The following OVCH1 variants were observed in gnomAD, a reference collection of about 807,000 sequenced individuals.
The protein encoded by OVCH1 is ovochymase-1.
A neutral mutation model predicts 138.4 loss-of-function variants in OVCH1; 139 were observed. That is an observed-to-expected ratio of 1.00 (90% CI 0.87 to 1.16). The LOEUF (loss-of-function observed/expected upper bound fraction) is 1.16. Among genes scored for constraint, OVCH1 ranks in the 50% most tolerant of loss-of-function variants. The pLI is 0.00. For synonymous variants in OVCH1, 453 were observed against 467.8 expected (o/e 0.97, Z 0.41); for missense variants, 1,367 against 1,357.9 (o/e 1.01, Z -0.11).
chr12:29,434,941 C>T (rs771884472), intron 26 of OVCH1, among the ~76,000 whole-genome samples: 4 of 152,102 alleles, frequency 2.6e-5, no homozygotes, highest in Non-Finnish European at 4.4e-5. Flanking sequence ...CTTATGATGT[C>T]GGAATAACTT....
chr12:29,428,087 A>G (rs1053608272), intron 27 of OVCH1, among the ~76,000 whole-genome samples: 3 of 152,046 alleles, frequency 2.0e-5, no homozygotes, highest in Middle Eastern at 3.2e-3. Flanking sequence ...ACTGTCTCAC[A>G]GGACATCAAC....
chr12:29,474,478 T>A (rs1015572888), intron 14 of OVCH1, among the ~76,000 whole-genome samples: 2 of 152,188 alleles, frequency 1.3e-5, no homozygotes, highest in African/African-American at 4.8e-5. Context: ...ACAGGGCAAG[T>A]AATCAAAAGT....
intron 16 of OVCH1, 146 bp from the exon 17 acceptor site, chr12:29,465,365 A>G: frequency 1.4e-6 from 1 of 699,918 alleles, no homozygotes; most frequent in Non-Finnish European, 2.3e-6. Flanking sequence ...GGTTTAATTG[A>G]CTTACAATTC....
At chr12:29,451,533 C>A (rs945143232) in exon 22 of OVCH1, 1 of 1,612,568 alleles carries the variant, frequency 6.2e-7, no homozygotes, top group African/African-American at 1.3e-5. Flanking sequence ...GGGAAAAAAG[C>A]CTCTAGGCTT....
At chr12:29,407,293 A>G in the OVCH1 span, among the ~76,000 whole-genome samples, 3 of 130,524 alleles carry the variant, frequency 2.3e-5, 1 homozygote, top group South Asian at 7.6e-4. Flanking sequence ...TTCGCTGTGC[A>G]GAAGCTCTTT....
At chr12:29,475,628 G>A (rs1427412061) in intron 13 of OVCH1, among the ~76,000 whole-genome samples, 1 of 152,054 alleles carries the variant, frequency 6.6e-6, no homozygotes, top group Non-Finnish European at 1.5e-5. Context: ...TCACTAACCT[G>A]CCCTTAATGT....
At chr12:29,497,128 G>A (rs867729422) in intron 1 of OVCH1, among the ~76,000 whole-genome samples, 1 of 152,136 alleles carries the variant, frequency 6.6e-6, no homozygotes, top group South Asian at 2.1e-4. Context: ...AATTAGCCAA[G>A]TGTGGTGGTA....
At chr12:29,415,408 A>C (rs1050028232) in intron 3 of OVCH1, among the ~76,000 whole-genome samples, 9 of 152,204 alleles carry the variant, frequency 5.9e-5, no homozygotes, top group African/African-American at 2.2e-4. Context: ...TTTGTCTAAA[A>C]GAATGCTTCT....
chr12:29,496,086 G>A, intron 3 of OVCH1, 95 bp downstream of exon 3: 1 of 1,136,298 alleles, frequency 8.8e-7, no homozygotes, highest in Non-Finnish European at 1.3e-6. Context: ...AAGTAAGAAA[G>A]GGACTGAGAA....
rs373682252 is a variant in OVCH1, at chr12:29,439,427, G to A, written c.3165C>T (p.Phe1055=). 1.2e-4 allele frequency: 179 copies of A among 1,460,524 alleles called. 2 individuals carry two copies. In the African/African-American group the frequency reaches 2.2e-3, roughly 18 times the overall value. The allele number at this position is 1,460,524 out of a possible 1,614,324, so 90.5% of individuals were successfully genotyped here. Residue 1055 remains phenylalanine (F), a synonymous_variant, in exon 26 of 28, where the codon TTC becomes TTT. Coordinates refer to ENST00000318184, the Ensembl canonical transcript of OVCH1. Reference sequence around the variant, plus strand: ...TCAGTATCATTGCCAGAGTTCCAGCGAATGAAGCTAAGATGGTCTGAGAAA... The same window carrying A: ...TCAGTATCATTGCCAGAGTTCCAGCAAATGAAGCTAAGATGGTCTGAGAAA...
intron 8 of OVCH1, among the ~76,000 whole-genome samples, chr12:29,482,640 AAC>A (rs1942970582): frequency 1.3e-5 from 2 of 152,354 alleles, no homozygotes; most frequent in South Asian, 2.1e-4. Flanking sequence ...CTAAATTTTC[AAC>A]AGTCACTTAA....
intron 4 of OVCH1, 47 bp downstream of exon 4, chr12:29,495,238 C>A: frequency 6.6e-7 from 1 of 1,510,678 alleles, no homozygotes; most frequent in Admixed American, 1.9e-5. Flanking sequence ...ACATAATTAG[C>A]AGTTTTCCTC....
At chr12:29,472,897 G>A (rs1473737545) in intron 15 of OVCH1, 132 bp downstream of exon 15, 4 of 722,020 alleles carry the variant, frequency 5.5e-6, no homozygotes, top group Non-Finnish European at 4.5e-6. Context: ...GACGTTTTAT[G>A]GACCTAAATA....
At chr12:29,468,072 C>G (rs1942379050) in intron 16 of OVCH1, among the ~76,000 whole-genome samples, 1 of 152,100 alleles carries the variant, frequency 6.6e-6, no homozygotes, top group Admixed American at 6.6e-5. Flanking sequence ...TACCATACCA[C>G]TATAATTATA....
chr12:29,421,872 A>G (rs1385897730), intron 3 of OVCH1, among the ~76,000 whole-genome samples: 1 of 152,114 alleles, frequency 6.6e-6, no homozygotes, highest in Non-Finnish European at 1.5e-5. Flanking sequence ...CATACCAGAC[A>G]TGTATTTAAA....
chr12:29,406,254 G>A, the OVCH1 span, among the ~76,000 whole-genome samples: 1 of 151,994 alleles, frequency 6.6e-6, no homozygotes, highest in Non-Finnish European at 1.5e-5. Context: ...CAATAAACTG[G>A]TATTCATGAA....
intron 14 of OVCH1, among the ~76,000 whole-genome samples, chr12:29,473,312 T>G (rs1942580884): frequency 6.6e-6 from 1 of 152,174 alleles, no homozygotes; most frequent in South Asian, 2.1e-4. Context: ...CACTTCTTCC[T>G]TCCTTGGTTT....
chr12:29,471,601 G>A (rs1942509619), intron 16 of OVCH1, among the ~76,000 whole-genome samples: 1 of 152,104 alleles, frequency 6.6e-6, no homozygotes, highest in South Asian at 2.1e-4. Flanking sequence ...TATTTAAACG[G>A]GATAAGCAGT....
At chr12:29,438,403 T>A (rs1183963811) in intron 26 of OVCH1, among the ~76,000 whole-genome samples, 1 of 152,176 alleles carries the variant, frequency 6.6e-6, no homozygotes, top group Admixed American at 6.5e-5. Flanking sequence ...CCAAGAGATT[T>A]TCAACTAGTG....
Sources: allele counts gnomAD v4.1 joint callset (sites outside exome capture counted in the v4.1 genomes callset), GRCh38; gene constraint gnomAD v4.1.1; transcripts MANE v1.5; gene names NCBI Gene and HGNC (gene_info 2026-07-23, HGNC 2026-07-21).